PRIM2: variants seen among roughly 807,000 people sequenced by gnomAD.
PRIM2 encodes the protein DNA primase subunit 2, also known as DNA primase large subunit.
Under a neutral mutation model 67.3 loss-of-function variants are expected in PRIM2, and 39 were observed. That is an observed-to-expected ratio of 0.58 (90% CI 0.45 to 0.76). The LOEUF (loss-of-function observed/expected upper bound fraction) is 0.76. Ranked by LOEUF, PRIM2 falls within the 30% of genes least tolerant of loss-of-function variation. The pLI, the probability that PRIM2 is intolerant of heterozygous loss-of-function variation, is 0.00. For synonymous variants in PRIM2, 143 were observed against 198.7 expected (o/e 0.72, Z 2.36); for missense variants, 398 against 598.7 (o/e 0.66, Z 3.50).
intron 7 of PRIM2, among the ~76,000 whole-genome samples, chr6:57,450,416 C>A (rs1772505411): frequency 6.6e-6 from 1 of 152,152 alleles, no homozygotes; most frequent in Non-Finnish European, 1.5e-5. Context: ...TTTTTGAGTG[C>A]TCTTTGATTC....
chr6:57,615,279 C>T (rs1466471808), intron 12 of PRIM2, among the ~76,000 whole-genome samples: 8 of 151,996 alleles, frequency 5.3e-5, no homozygotes, highest in South Asian at 2.1e-4. Context: ...ATTAGCCAGG[C>T]GTCGAGGCAT....
chr6:57,461,817 A>G (rs1344637913), intron 7 of PRIM2, among the ~76,000 whole-genome samples: 1 of 152,228 alleles, frequency 6.6e-6, no homozygotes, highest in Non-Finnish European at 1.5e-5. Context: ...CTAGAAAATA[A>G]GAAATGATCA....
At chr6:57,602,391 GT>G (rs1776487098) in intron 11 of PRIM2, among the ~76,000 whole-genome samples, 1 of 152,142 alleles carries the variant, frequency 6.6e-6, no homozygotes, top group South Asian at 2.1e-4. Context: ...TTATTTCAGA[GT>G]CCCTTGAGGT....
At chr6:57,440,658 A>G (rs1291830193) in intron 7 of PRIM2, among the ~76,000 whole-genome samples, 12 of 152,204 alleles carry the variant, frequency 7.9e-5, no homozygotes, top group Admixed American at 7.9e-4. Context: ...CCCAGTCTTC[A>G]TGAAATCTTT....
At chr6:57,539,612 TTGTGTG>T (rs1232932730) in intron 10 of PRIM2, among the ~76,000 whole-genome samples, 1,468 of 129,306 alleles carry the variant, frequency 0.011, 11 homozygotes, top group South Asian at 0.037. Context: ...ATTATATTCT[TTGTGTG>T]TGTGTGTGTG....
At chr6:57,252,472 G>A in the PRIM2 span, among the ~76,000 whole-genome samples, 3 of 151,962 alleles carry the variant, frequency 2.0e-5, no homozygotes, top group Admixed American at 6.5e-5. Flanking sequence ...ACGCAGTCTC[G>A]CTTTGTCGCC....
chr6:57,358,652 TAAG>T (rs1769106157), intron 5 of PRIM2, among the ~76,000 whole-genome samples: 1 of 152,230 alleles, frequency 6.6e-6, no homozygotes, highest in Non-Finnish European at 1.5e-5. Flanking sequence ...TTTGAAGTGT[TAAG>T]AATGAAAATA....
chr6:57,582,411 AG>A, intron 10 of PRIM2, among the ~76,000 whole-genome samples: 1 of 152,282 alleles, frequency 6.6e-6, no homozygotes, highest in South Asian at 2.1e-4. Flanking sequence ...TGATAATTAT[AG>A]GAAGTTGGAA....
At chr6:57,275,870 T>C in the PRIM2 span, among the ~76,000 whole-genome samples, 3 of 152,110 alleles carry the variant, frequency 2.0e-5, no homozygotes, top group African/African-American at 4.8e-5. Context: ...TCCATAGCAG[T>C]GGTGTTCATA....
the PRIM2 span, among the ~76,000 whole-genome samples, chr6:57,260,976 T>C: frequency 7.4e-4 from 113 of 152,190 alleles, 1 homozygote; most frequent in African/African-American, 2.6e-3. Flanking sequence ...GGTTGAGGGA[T>C]TGGAGGCCCC....
intron 8 of PRIM2, among the ~76,000 whole-genome samples, chr6:57,518,556 G>A (rs1479147861): frequency 1.3e-5 from 2 of 152,098 alleles, no homozygotes; most frequent in African/African-American, 4.8e-5. Context: ...TTGAATGAAT[G>A]AATAAATGAA....
intron 13 of PRIM2, among the ~76,000 whole-genome samples, chr6:57,637,077 C>T (rs1375736167): frequency 6.6e-6 from 1 of 152,218 alleles, no homozygotes; most frequent in Non-Finnish European, 1.5e-5. Flanking sequence ...ACAATCTTTG[C>T]TGTTCTGCAG....
chr6:57,563,335 G>A (rs1376583441), intron 10 of PRIM2, among the ~76,000 whole-genome samples: 23 of 150,914 alleles, frequency 1.5e-4, no homozygotes, highest in African/African-American at 4.9e-4. Context: ...TTTGGAACAT[G>A]CTTCTGGCTG....
chr6:57,287,881 C>T, the PRIM2 span, among the ~76,000 whole-genome samples: 5 of 152,092 alleles, frequency 3.3e-5, no homozygotes, highest in Non-Finnish European at 7.3e-5. Context: ...GTGATTTCTG[C>T]ATTTCCAACT....
intron 7 of PRIM2, among the ~76,000 whole-genome samples, chr6:57,471,798 A>G (rs1468078576): frequency 6.6e-6 from 1 of 152,252 alleles, no homozygotes; most frequent in Non-Finnish European, 1.5e-5. Flanking sequence ...AATGAAGTAT[A>G]TGCTTTGGAA....
chr6:57,583,909 T>C (rs1776144385), intron 10 of PRIM2, among the ~76,000 whole-genome samples: 1 of 152,302 alleles, frequency 6.6e-6, no homozygotes. Context: ...AGTTTCCTCA[T>C]TTATAAAATA....
intron 5 of PRIM2, among the ~76,000 whole-genome samples, chr6:57,327,458 CTG>C (rs1219117781): frequency 1.3e-5 from 2 of 152,168 alleles, no homozygotes; most frequent in South Asian, 2.1e-4. Flanking sequence ...GGAAAAGAGA[CTG>C]TGAAGGGAAG....
At chr6:57,400,371 G>T (rs1770665882) in intron 7 of PRIM2, among the ~76,000 whole-genome samples, 3 of 152,096 alleles carry the variant, frequency 2.0e-5, no homozygotes, top group African/African-American at 7.2e-5. Context: ...GCTTAGTTTG[G>T]CTGGATGTGA....
At chr6:57,392,711 C>T (rs1030114870) in intron 7 of PRIM2, among the ~76,000 whole-genome samples, 2 of 151,348 alleles carry the variant, frequency 1.3e-5, no homozygotes, top group African/African-American at 2.4e-5. Context: ...TATTGGGGTA[C>T]GGGTGGTATT....
Sources: gnomAD v4.1 joint callset for allele counts (sites outside exome capture counted in the v4.1 genomes callset) on GRCh38, gnomAD v4.1.1 for gene constraint, MANE v1.5 for transcripts, NCBI Gene and HGNC (gene_info 2026-07-23, HGNC 2026-07-21) for gene names.